The following NFYA variants were observed in gnomAD, a reference collection of about 807,000 sequenced individuals.
NFYA encodes nuclear transcription factor Y subunit alpha, also known as CAAT-box DNA binding protein subunit A.
In NFYA, 28 loss-of-function variants were observed where a neutral mutation model predicts 52.8. The ratio of observed to expected loss-of-function variants is 0.53; its 90% CI spans 0.39 to 0.73. The LOEUF is 0.73. Among genes scored for constraint, NFYA ranks in the 30% least tolerant of loss-of-function variants. The probability of loss-of-function intolerance (pLI) is 0.00; values close to 1 mark genes in which losing one functional copy is unlikely to be tolerated. For synonymous variants in NFYA, 150 were observed against 150.7 expected (o/e 1.00, Z 0.03); for missense variants, 234 against 427.0 (o/e 0.55, Z 3.98).
At chr6:41,088,423 C>CAAAAA (rs34590854) in intron 4 of NFYA, among the ~76,000 whole-genome samples, 511 of 64,392 alleles carry the variant, frequency 7.9e-3, no homozygotes, top group African/African-American at 0.01. Context: ...ACTCCGTCTC[C>CAAAAA]AAAAAAAAAA....
chr6:41,073,444 C>T (rs1049823156), intron 1 of NFYA, among the ~76,000 whole-genome samples: 45 of 152,130 alleles, frequency 3.0e-4, no homozygotes, highest in African/African-American at 8.4e-4. Flanking sequence ...CACTAGGGGA[C>T]ACATGCGCGC....
rs139002466 is a variant in NFYA at position 41,078,910 on chromosome 6, C to T, written c.-61-119C>T. ...AAATGATACTGAATATAAGCATTTC[C>T]TATTCTCCTATCCTGTTTTCTTGCA... is the stretch of plus-strand genomic sequence containing the variant. On this transcript the variant is annotated intron_variant, in intron 1 of 9. Coordinates refer to ENST00000341376, the MANE Select transcript of NFYA (RefSeq NM_002505.5). 2,623 of 534,518 alleles carry T rather than the reference C, an allele frequency of 4.9e-3. 11 individuals carry two copies. Among genetic ancestry groups the T allele is most frequent in the Non-Finnish European group, 7.0e-3 (2,071 of 296,542 alleles). The allele number at this position is 534,518 out of a possible 1,614,324, so 33.1% of individuals were successfully genotyped here.
chr6:41,094,388 C>T lies in NFYA; in HGVS notation c.889-8C>T. On this transcript the variant is annotated splice_polypyrimidine_tract_variant and splice_region_variant and intron_variant, in intron 8 of 9. Coordinates refer to ENST00000341376, the MANE Select transcript of NFYA (RefSeq NM_002505.5). ...TTAATAGTTAAATGGTTTTATTTCTCGTTTTAGAAATACCTGCATGAGTCT... is the reference window on the plus strand; with the variant it reads ...TTAATAGTTAAATGGTTTTATTTCTTGTTTTAGAAATACCTGCATGAGTCT... 4.3e-6 allele frequency: 7 copies of T among 1,610,698 alleles called. No homozygotes were observed. The highest frequency in any genetic ancestry group is 2.2e-5 in the East Asian group (1 of 44,860).
chr6:41,088,150 G>A (rs1764095008), intron 4 of NFYA, among the ~76,000 whole-genome samples: 1 of 152,084 alleles, frequency 6.6e-6, no homozygotes, highest in Non-Finnish European at 1.5e-5. Context: ...CCGGTGCGGT[G>A]GCCCACACCT....
At chr6:41,095,495 G>C (rs1428731366) in intron 9 of NFYA, among the ~76,000 whole-genome samples, 1 of 152,086 alleles carries the variant, frequency 6.6e-6, no homozygotes, top group Non-Finnish European at 1.5e-5. Flanking sequence ...GCAGTGGTGT[G>C]ATTATGGCTC....
At chr6:41,088,423 CAAAA>C (rs34590854) in intron 4 of NFYA, among the ~76,000 whole-genome samples, 37 of 64,726 alleles carry the variant, frequency 5.7e-4, no homozygotes, top group African/African-American at 1.9e-3. Context: ...ACTCCGTCTC[CAAAA>C]AAAAAAAAAA....
chr6:41,092,599 G>A (rs561713789), intron 7 of NFYA, among the ~76,000 whole-genome samples: 1 of 151,792 alleles, frequency 6.6e-6, no homozygotes, highest in Non-Finnish European at 1.5e-5. Flanking sequence ...CTGTTTTTTT[G>A]TCTTATGACT....
chr6:41,098,938 CA>C lies in NFYA; in HGVS notation c.*1530del, dbSNP rs937839428. ...GCCTTCTCTGGAAACAAGGAAAACC[CA>C]ATAATTCCGAGGAACATTGGGGGTT... On this transcript the variant is annotated 3_prime_UTR_variant, in exon 10 of 10. Coordinates refer to ENST00000341376, the MANE Select transcript of NFYA (RefSeq NM_002505.5). The C allele has an allele frequency of 9.0e-4, 137 of 152,414 alleles. No individual in the cohort carries two copies. The highest frequency in any genetic ancestry group is 3.2e-3 in the African/African-American group (132 of 41,494). The allele number at this position is 152,414 out of a possible 1,614,324, so 9.4% of individuals were successfully genotyped here. A position where few individuals can be genotyped will look rare whatever the true frequency, so the allele number is the denominator to read the frequency against.
intron 4 of NFYA, among the ~76,000 whole-genome samples, chr6:41,087,868 A>G (rs760514268): frequency 6.6e-6 from 1 of 152,232 alleles, no homozygotes; most frequent in Non-Finnish European, 1.5e-5. Flanking sequence ...TAAAGTGGCT[A>G]TAGCCATTAA....
rs1764501968 is a variant in NFYA, at chr6:41,101,538, C to T, written c.*4128C>T. 1.3e-5 allele frequency among the ~76,000 whole-genome samples: 2 copies of T among 152,122 alleles called. No homozygotes were observed. Among genetic ancestry groups the T allele is most frequent in the Admixed American group, 6.5e-5 (1 of 15,270 alleles). On this transcript the variant is annotated 3_prime_UTR_variant, in exon 10 of 10. Transcript: ENST00000341376. ...AATTATTTTATTCGTTCAGTTAATT[C>T]GTTCTTGGCGTCATAAGTATATGCC... is the stretch of plus-strand genomic sequence containing the variant.
intron 1 of NFYA, among the ~76,000 whole-genome samples, chr6:41,078,417 T>A (rs1385924223): frequency 6.6e-6 from 1 of 152,238 alleles, no homozygotes; most frequent in East Asian, 1.9e-4. Context: ...AAGACCTATC[T>A]ACATTTTTGT....
At chr6:41,090,332 C>G (rs2113813060) in intron 6 of NFYA, 23 bp downstream of exon 6, 3 of 1,572,588 alleles carry the variant, frequency 1.9e-6, no homozygotes, top group Non-Finnish European at 1.7e-6. Flanking sequence ...ATAAGCTTCC[C>G]TAGGACTTTT....
At position 41,084,224 on chromosome 6, in the gene NFYA, A is replaced by G. The variant is rs201396442; in HGVS notation, c.309+32A>G. The G allele has an allele frequency of 1.9e-6, 3 of 1,605,710 alleles. No homozygotes were observed. In the African/African-American group the frequency reaches 4.0e-5, roughly 21 times the overall value. The stretch of plus-strand genomic sequence containing the variant: ...AATATTTAAAAATATTGAGCAGTAT[A>G]TCAGAGGAGAGGTTTCAAAGAATAG... On this transcript the variant is annotated intron_variant, in intron 4 of 9. Coordinates refer to ENST00000341376, the MANE Select transcript of NFYA (RefSeq NM_002505.5).
At position 41,101,324 on chromosome 6, in the gene NFYA, T is replaced by G. The variant is rs1662173903; in HGVS notation, c.*3914T>G. The G allele has an allele frequency of 6.6e-6, 1 of 152,222 alleles. No homozygotes were observed. The highest frequency in any genetic ancestry group is 2.1e-4 in the South Asian group (1 of 4,832). The allele number at this position is 152,222 out of a possible 1,614,324, so 9.4% of individuals were successfully genotyped here. A position where few individuals can be genotyped will look rare whatever the true frequency, so the allele number is the denominator to read the frequency against. On this transcript the variant is annotated 3_prime_UTR_variant, in exon 10 of 10. Transcript: ENST00000341376. ...AGTTTAACTTCGTGCTGCGGCTTCC[T>G]TAGGAAACTTTGAGTATCTTCGTTT...
rs891164724 is a variant in NFYA, at chr6:41,101,666, G to C, written c.*4256G>C. 9.9e-5 allele frequency among the ~76,000 whole-genome samples: 15 copies of C among 152,238 alleles called. 1 individual carries two copies. Among genetic ancestry groups the C allele is most frequent in the Non-Finnish European group, 4.4e-5 (3 of 68,012 alleles). ...GATATGAAGATGGGTAATACCAGGTGCCTGTCCTCACTGTGTGAGTGGTTC... is the reference window on the plus strand; with the variant it reads ...GATATGAAGATGGGTAATACCAGGTCCCTGTCCTCACTGTGTGAGTGGTTC... On this transcript the variant is annotated 3_prime_UTR_variant, in exon 10 of 10. Coordinates refer to ENST00000341376, the MANE Select transcript of NFYA (RefSeq NM_002505.5).
intron 9 of NFYA, among the ~76,000 whole-genome samples, chr6:41,094,744 C>G (rs1391386156): frequency 6.6e-6 from 1 of 152,094 alleles, no homozygotes; most frequent in Non-Finnish European, 1.5e-5. Context: ...TCAAGACCAG[C>G]CTGGGCAACA....
intron 9 of NFYA, among the ~76,000 whole-genome samples, chr6:41,096,261 C>A (rs1273400645): frequency 6.6e-6 from 1 of 152,190 alleles, no homozygotes; most frequent in East Asian, 1.9e-4. Context: ...TGAACACTAA[C>A]AACTCTTTCA....
chr6:41,090,097 G>C, intron 5 of NFYA, 107 bp from the exon 6 acceptor site: 1 of 722,130 alleles, frequency 1.4e-6, no homozygotes, highest in Non-Finnish European at 2.3e-6. Flanking sequence ...CCTGGCGACA[G>C]AGTGAGACTC....
intron 6 of NFYA, among the ~76,000 whole-genome samples, chr6:41,090,979 A>C (rs1418601776): frequency 6.6e-6 from 1 of 152,228 alleles, no homozygotes; most frequent in East Asian, 1.9e-4. Flanking sequence ...AGAGTGCACT[A>C]ACTGTGTGCT....
Sources: allele counts gnomAD v4.1 joint callset (sites outside exome capture counted in the v4.1 genomes callset), GRCh38; gene constraint gnomAD v4.1.1; transcripts MANE v1.5; gene names NCBI Gene and HGNC (gene_info 2026-07-23, HGNC 2026-07-21).